Variants in PDE5A observed in about 807,000 individuals in gnomAD.
PDE5A encodes phosphodiesterase 5A.
Under a neutral mutation model 110.2 loss-of-function variants are expected in PDE5A, and 67 were observed. That is an observed-to-expected ratio of 0.61 (90% CI 0.50 to 0.75). The LOEUF is 0.75. Ranked by LOEUF, PDE5A falls within the 30% of genes least tolerant of loss-of-function variation. The pLI, the probability that PDE5A is intolerant of heterozygous loss-of-function variation, is 0.00. For synonymous variants in PDE5A, 328 were observed against 351.2 expected, an observed-to-expected ratio of 0.93 and a Z score of 0.74; for missense variants, 862 against 1,045.1, an observed-to-expected ratio of 0.82 and a Z score of 2.42.
chr4:119,609,166 A>AT lies in PDE5A; in HGVS notation c.153-1870_153-1869insA, dbSNP rs1225156908. 9.7e-4 allele frequency among the ~76,000 whole-genome samples: 148 copies of AT among 152,326 alleles called. 1 individual carries two copies. The highest frequency in any genetic ancestry group is 3.6e-3 in the African/African-American group (148 of 41,564). On this transcript the variant is annotated intron_variant, in intron 1 of 20. Transcript: ENST00000354960. ...TACAGTTCGAGACTCCGTCTCAAAA[A>AT]AAAAAATAAAAAAAAATAGGCAATA...
At position 119,496,505 on chromosome 4, in the gene PDE5A, A is replaced by T. The variant is rs1413442584; in HGVS notation, c.*2096T>A. On this transcript the variant is annotated 3_prime_UTR_variant, in exon 21 of 21. Coordinates refer to ENST00000354960, the MANE Select transcript of PDE5A (RefSeq NM_001083.4). ...ATCTAAATATATCTTCTTGCTTATT[A>T]AAATGACACACATACAAAGCCTCTA... 6.6e-6 allele frequency: 1 copy of T among 152,250 alleles called. No individual in the cohort carries two copies. Among genetic ancestry groups the T allele is most frequent in the Non-Finnish European group, 1.5e-5 (1 of 68,006 alleles). The allele number at this position is 152,250 out of a possible 1,614,324, so 9.4% of individuals were successfully genotyped here.
intron 11 of PDE5A, 100 bp downstream of exon 11, chr4:119,538,860 T>G: frequency 1.1e-6 from 1 of 885,970 alleles, no homozygotes; most frequent in Non-Finnish European, 1.9e-6. Context: ...AAAGCAGAGT[T>G]AATTAAACAT....
intron 3 of PDE5A, among the ~76,000 whole-genome samples, chr4:119,581,386 T>C (rs948892794): frequency 6.6e-6 from 1 of 152,186 alleles, no homozygotes; most frequent in Non-Finnish European, 1.5e-5. Flanking sequence ...CACTGAAAGC[T>C]AGATATCCAT....
At position 119,538,496 on chromosome 4, in the gene PDE5A, A is replaced by T. The variant is rs557615240; in HGVS notation, c.1632+464T>A. ...ATGTGCTTTTCTCTCATTGTATGCT[A>T]AATAATGCAAAGAGAATTCAGGAAC... On this transcript the variant is annotated intron_variant, in intron 11 of 20. Coordinates refer to ENST00000354960, the MANE Select transcript of PDE5A (RefSeq NM_001083.4). Among the ~76,000 whole-genome samples the T allele has an allele frequency of 1.2e-4, 19 of 152,308 alleles. No individual in the cohort carries two copies. The South Asian group carries it at 3.5e-3, about 28-fold the overall frequency.
chr4:119,533,938 A>G (rs1161409552), intron 11 of PDE5A, among the ~76,000 whole-genome samples: 1 of 152,186 alleles, frequency 6.6e-6, no homozygotes, highest in Non-Finnish European at 1.5e-5. Context: ...TATACACAGT[A>G]GTTAGTAAAG....
chr4:119,612,101 C>T (rs1342292327), intron 1 of PDE5A, among the ~76,000 whole-genome samples: 2 of 152,188 alleles, frequency 1.3e-5, no homozygotes, highest in Non-Finnish European at 2.9e-5. Context: ...TATGTCCCTA[C>T]AAAATTCTTC....
intron 3 of PDE5A, among the ~76,000 whole-genome samples, chr4:119,587,615 A>C (rs923952532): frequency 6.6e-6 from 1 of 152,112 alleles, no homozygotes; most frequent in Non-Finnish European, 1.5e-5. Context: ...CGATCTCCTG[A>C]CCTCATGATC....
intron 12 of PDE5A, among the ~76,000 whole-genome samples, chr4:119,524,416 C>A (rs939254307): frequency 6.6e-6 from 1 of 151,970 alleles, no homozygotes; most frequent in African/African-American, 2.4e-5. Context: ...TCAACGCACT[C>A]TAACAAGAGT....
chr4:119,523,045 GTAAA>G (rs1326664158), intron 12 of PDE5A, among the ~76,000 whole-genome samples: 3 of 151,976 alleles, frequency 2.0e-5, no homozygotes, highest in African/African-American at 7.2e-5. Flanking sequence ...AAGGAAATAA[GTAAA>G]TAAACATAAA....
intron 1 of PDE5A, among the ~76,000 whole-genome samples, chr4:119,618,344 A>G (rs1401632213): frequency 2.6e-5 from 4 of 152,180 alleles, no homozygotes; most frequent in Admixed American, 2.0e-4. Context: ...GGATTTATAC[A>G]GCAGAATAAG....
In PDE5A at chr4:119,627,189, A is replaced by G. The variant is rs1251764559; in HGVS notation, c.152+1331T>C. 4 of 1,612,660 alleles carry G rather than the reference A, an allele frequency of 2.5e-6. No individual in the cohort carries two copies. The highest frequency in any genetic ancestry group is 1.7e-5 in the Admixed American group (1 of 59,866). On this transcript the variant is annotated intron_variant, in intron 1 of 20. Coordinates refer to ENST00000354960, the MANE Select transcript of PDE5A (RefSeq NM_001083.4). This position sits in a 1 kb window ranked among gnomAD's most constrained non-coding sequence, Gnocchi z 4.6. Reference sequence around the variant, plus strand: ...AAAGGGCAACATAGCAAACGTGGGAAGTTCGTTTTCGAACTCCGCCGATCC... The same window carrying G: ...AAAGGGCAACATAGCAAACGTGGGAGGTTCGTTTTCGAACTCCGCCGATCC...
intron 5 of PDE5A, among the ~76,000 whole-genome samples, chr4:119,564,021 G>A (rs1182623827): frequency 7.0e-6 from 1 of 142,084 alleles, no homozygotes; most frequent in Non-Finnish European, 1.6e-5. Context: ...ACAGATACCA[G>A]CATGATGAAT....
At chr4:119,620,367 C>T (rs1730100515) in intron 1 of PDE5A, among the ~76,000 whole-genome samples, 1 of 152,142 alleles carries the variant, frequency 6.6e-6, no homozygotes, top group South Asian at 2.1e-4. Context: ...TGCAGAATTG[C>T]TTCATATGAT....
At chr4:119,518,407 T>C (rs770656003) in intron 14 of PDE5A, among the ~76,000 whole-genome samples, 2 of 152,244 alleles carry the variant, frequency 1.3e-5, no homozygotes, top group Non-Finnish European at 2.9e-5. Context: ...ACACTTGTCC[T>C]AACGGATAGT....
At chr4:119,512,645 G>A (rs548292929) in intron 14 of PDE5A, among the ~76,000 whole-genome samples, 13 of 152,094 alleles carry the variant, frequency 8.5e-5, no homozygotes, top group African/African-American at 3.1e-4. Context: ...AGTGGGATGA[G>A]GGAGATAAGG....
chr4:119,560,323 A>T lies in PDE5A; in HGVS notation c.1172T>A (p.Leu391Ter). The T allele has an allele frequency of 6.3e-7, 1 of 1,590,180 alleles. No homozygotes were observed. Among genetic ancestry groups the T allele is most frequent in the Non-Finnish European group, 8.6e-7 (1 of 1,168,296 alleles). ...TGTTAATGTATCAGATGATTTTTCT[A>T]ATTCCTCACACTCCATGTGAAACAC... is the stretch of plus-strand genomic sequence containing the variant. ...SSVFHMECEE[L>*]EKSSDTLTRE... is the part of the protein sequence containing the mutation. The change falls in exon 7 of 21, where the codon TTA becomes TAA. Residue 391 changes from leucine to a stop codon, truncating the protein, a stop_gained. Coordinates refer to ENST00000354960, the MANE Select transcript of PDE5A (RefSeq NM_001083.4). LOFTEE classifies it high-confidence loss of function.
intron 3 of PDE5A, among the ~76,000 whole-genome samples, chr4:119,568,842 A>C (rs888319855): frequency 6.6e-6 from 1 of 152,226 alleles, no homozygotes; most frequent in African/African-American, 2.4e-5. Flanking sequence ...TTGATATGCT[A>C]TCTGTACCTG....
At chr4:119,586,008 C>T (rs973232179) in intron 3 of PDE5A, among the ~76,000 whole-genome samples, 7 of 152,146 alleles carry the variant, frequency 4.6e-5, no homozygotes, top group South Asian at 2.1e-4. Context: ...ATCCTGACCG[C>T]GTGAGATACC....
In PDE5A at chr4:119,497,513, G is replaced by A. The variant is rs1454681757; in HGVS notation, c.*1088C>T. ...GACTTGTCCTATACATCAAAATATG[G>A]CAATTTTTCAATCACAATACTGCTA... On this transcript the variant is annotated 3_prime_UTR_variant, in exon 21 of 21. Transcript: ENST00000354960. The A allele has an allele frequency of 2.0e-5, 3 of 151,986 alleles. No homozygotes were observed. Among genetic ancestry groups the A allele is most frequent in the Non-Finnish European group, 2.9e-5 (2 of 67,980 alleles). 9.4% of individuals were successfully genotyped at this position (151,986 alleles called of 1,614,324 possible). A position where few individuals can be genotyped will look rare whatever the true frequency, so the allele number is the denominator to read the frequency against.
Sources: gnomAD v4.1 joint callset for allele counts (sites outside exome capture counted in the v4.1 genomes callset) on GRCh38, gnomAD v4.1.1 for gene constraint, Gnocchi (gnomAD v3.1) non-coding constraint, MANE v1.5 for transcripts, NCBI Gene and HGNC (gene_info 2026-07-23, HGNC 2026-07-21) for gene names.